WDR93: variants seen among roughly 807,000 people sequenced by gnomAD.
The protein encoded by WDR93 is WD repeat-containing protein 93.
A neutral mutation model predicts 82.9 loss-of-function variants in WDR93; 73 were observed. The ratio of observed to expected loss-of-function variants is 0.88; its 90% CI spans 0.73 to 1.07. The LOEUF (loss-of-function observed/expected upper bound fraction) is 1.07, where lower values mean the gene tolerates loss of function less well. Among genes scored for constraint, WDR93 ranks in the 50% least tolerant of loss-of-function variants. The pLI, the probability that WDR93 is intolerant of heterozygous loss-of-function variation, is 0.00. For synonymous variants in WDR93, 283 were observed against 300.1 expected, an observed-to-expected ratio of 0.94 and a Z score of 0.59; for missense variants, 738 against 826.0, an observed-to-expected ratio of 0.89 and a Z score of 1.31.
intron 1 of WDR93, among the ~76,000 whole-genome samples, chr15:89,695,191 TTG>T (rs1303795634): frequency 6.6e-6 from 1 of 151,510 alleles, no homozygotes; most frequent in East Asian, 1.9e-4. Context: ...ATCATAGGGA[TTG>T]TGTTGAATTT....
At chr15:89,698,494 C>G (rs1965298924) in intron 1 of WDR93, among the ~76,000 whole-genome samples, 2 of 152,020 alleles carry the variant, frequency 1.3e-5, no homozygotes, top group African/African-American at 4.8e-5. Context: ...GTTCCTTGTT[C>G]CCTTTTTCCT....
At chr15:89,720,884 A>G (rs192611812) in intron 7 of WDR93, among the ~76,000 whole-genome samples, 1 of 151,862 alleles carries the variant, frequency 6.6e-6, no homozygotes, top group East Asian at 1.9e-4. Flanking sequence ...ATTCTTACTG[A>G]TTTTCTGTTT....
chr15:89,731,637 C>T, intron 12 of WDR93, 75 bp downstream of exon 12: 1 of 1,596,958 alleles, frequency 6.3e-7, no homozygotes, highest in Non-Finnish European at 8.5e-7. Context: ...CTGGAATTCC[C>T]ACAGGCCCTG....
intron 1 of WDR93, among the ~76,000 whole-genome samples, chr15:89,694,752 A>C (rs1336513440): frequency 6.6e-6 from 1 of 152,178 alleles, no homozygotes; most frequent in African/African-American, 2.4e-5. Context: ...CATATCTAGG[A>C]AATCTTTGTC....
At chr15:89,742,523 T>A (rs988340621) in intron 16 of WDR93, among the ~76,000 whole-genome samples, 26 of 152,082 alleles carry the variant, frequency 1.7e-4, no homozygotes, top group Admixed American at 7.2e-4. Context: ...TATTTTTTTT[T>A]AAACAACTCT....
chr15:89,706,294 G>C (rs1179893053), intron 4 of WDR93, among the ~76,000 whole-genome samples: 1 of 151,720 alleles, frequency 6.6e-6, no homozygotes, highest in African/African-American at 2.4e-5. Flanking sequence ...ATTCCCGAAA[G>C]AGAGGGTATT....
At chr15:89,702,590 A>G (rs1965521764) in intron 2 of WDR93, among the ~76,000 whole-genome samples, 1 of 151,790 alleles carries the variant, frequency 6.6e-6, no homozygotes, top group Non-Finnish European at 1.5e-5. Context: ...CCCAGGCTGG[A>G]GTGCAATGGT....
rs199513614 is a variant in WDR93, at chr15:89,743,401, C to T, written c.*10C>T. On this transcript the variant is annotated 3_prime_UTR_variant, in exon 17 of 17. Coordinates refer to ENST00000268130, the MANE Select transcript of WDR93 (RefSeq NM_020212.2). The stretch of plus-strand genomic sequence containing the variant: ...GAACTTCAAGAAGTGAGGCTGCCAC[C>T]GCCCTGGGATCTCTGAAAAGGAGGT... 14 of 1,613,634 alleles carry T rather than the reference C, an allele frequency of 8.7e-6. No individual in the cohort carries two copies. Among genetic ancestry groups the T allele is most frequent in the African/African-American group, 4.0e-5 (3 of 74,916 alleles).
At chr15:89,690,530 C>T (rs1964813020), upstream of WDR93, 2 of 1,452,350 alleles carry the variant, frequency 1.4e-6, no homozygotes, top group Non-Finnish European at 1.9e-6. Flanking sequence ...GGCACGGGAG[C>T]CGAGTTAGGG....
intron 1 of WDR93, among the ~76,000 whole-genome samples, chr15:89,701,396 G>A (rs2141595437): frequency 6.6e-6 from 1 of 152,312 alleles, no homozygotes; most frequent in African/African-American, 2.4e-5. Context: ...GGCATAAGTT[G>A]TAGGAGAGAG....
chr15:89,715,890 A>G (rs1966228955), intron 6 of WDR93, among the ~76,000 whole-genome samples: 1 of 152,168 alleles, frequency 6.6e-6, no homozygotes, highest in Non-Finnish European at 1.5e-5. Context: ...GGCCTGTGCT[A>G]TGTTTTTAAG....
In WDR93 at chr15:89,703,146, T is replaced by C; in HGVS notation, c.496+4T>C. ...ATTGCTCCTGTGGATGAAATGGGTA[T>C]TGTTCTTCATCTTCCTTTTTAGCCT... On this transcript the variant is annotated splice_donor_region_variant and intron_variant, in intron 3 of 16. Coordinates refer to ENST00000268130, the MANE Select transcript of WDR93 (RefSeq NM_020212.2). 3 of 1,614,104 alleles carry C rather than the reference T, an allele frequency of 1.9e-6. No homozygotes were observed. The highest frequency in any genetic ancestry group is 2.5e-6 in the Non-Finnish European group (3 of 1,179,934).
At chr15:89,718,748 T>C (rs1300406445) in intron 7 of WDR93, among the ~76,000 whole-genome samples, 9 of 152,098 alleles carry the variant, frequency 5.9e-5, no homozygotes, top group Non-Finnish European at 1.3e-4. Context: ...TAATCACCAT[T>C]ATTAGCTTGA....
chr15:89,728,482 G>A (rs551942781), intron 9 of WDR93, among the ~76,000 whole-genome samples: 12 of 152,194 alleles, frequency 7.9e-5, no homozygotes, highest in Non-Finnish European at 1.3e-4. Flanking sequence ...CTGGAACTAC[G>A]TCAAGATTCA....
At chr15:89,732,324 G>T (rs1209098953) in intron 12 of WDR93, among the ~76,000 whole-genome samples, 1 of 152,118 alleles carries the variant, frequency 6.6e-6, no homozygotes, top group Non-Finnish European at 1.5e-5. Flanking sequence ...TCAGACCAGG[G>T]AGTTGACTGT....
In WDR93 at chr15:89,733,147, G is replaced by A. The variant is rs746385100; in HGVS notation, c.1472G>A (p.Cys491Tyr). ...VKSQMKCVVL[C>Y]TDASLHLVEA... is the part of the protein sequence containing the mutation. ...TCCCAAATGAAATGTGTGGTGCTGTGCACAGACGCCTCCCTCCATCTGGTG... is the reference window on the plus strand; with the variant it reads ...TCCCAAATGAAATGTGTGGTGCTGTACACAGACGCCTCCCTCCATCTGGTG... Residue 491 changes from cysteine (C) to tyrosine (Y), a missense_variant, in exon 13 of 17, where the codon TGC becomes TAC. Coordinates refer to ENST00000268130, the MANE Select transcript of WDR93 (RefSeq NM_020212.2). 3 of 1,614,134 alleles carry A rather than the reference G, an allele frequency of 1.9e-6. No individual in the cohort carries two copies. Among genetic ancestry groups the A allele is most frequent in the Non-Finnish European group, 2.5e-6 (3 of 1,179,984 alleles).
At chr15:89,704,976 A>G (rs1298536911) in intron 3 of WDR93, 1 of 155,518 alleles carries the variant, frequency 6.4e-6, no homozygotes, top group African/African-American at 2.4e-5. Flanking sequence ...AGTCATAAGT[A>G]TGTGGGAGGC....
intron 6 of WDR93, among the ~76,000 whole-genome samples, chr15:89,715,971 T>C (rs1966232232): frequency 6.6e-6 from 1 of 152,258 alleles, no homozygotes; most frequent in African/African-American, 2.4e-5. Context: ...ATTTTTACTT[T>C]TAAACCACCA....
chr15:89,696,563 T>C (rs1965188075), intron 1 of WDR93, among the ~76,000 whole-genome samples: 1 of 152,090 alleles, frequency 6.6e-6, no homozygotes, highest in African/African-American at 2.4e-5. Context: ...GGTGTGATCA[T>C]GGCTCACTGC....
Sources: gnomAD v4.1 joint callset for allele counts (sites outside exome capture counted in the v4.1 genomes callset) on GRCh38, gnomAD v4.1.1 for gene constraint, MANE v1.5 for transcripts, NCBI Gene and HGNC (gene_info 2026-07-23, HGNC 2026-07-21) for gene names.